CFAP54: variants seen among roughly 807,000 people sequenced by gnomAD.
CFAP54 encodes the protein cilia- and flagella-associated protein 54.
In CFAP54, 290 loss-of-function variants were observed where a neutral mutation model predicts 370.4. The observed-to-expected ratio is 0.78, with a 90% CI of 0.71 to 0.86. The LOEUF (loss-of-function observed/expected upper bound fraction) is 0.86, where lower values mean the gene tolerates loss of function less well. CFAP54 is among the 40% of genes least tolerant of loss of function. The pLI, the probability that CFAP54 is intolerant of heterozygous loss-of-function variation, is 0.00. For synonymous variants in CFAP54, 1,206 were observed against 1,236.5 expected, an observed-to-expected ratio of 0.98 and a Z score of 0.52; for missense variants, 3,399 against 3,528.7, an observed-to-expected ratio of 0.96 and a Z score of 0.93.
intron 60 of CFAP54, among the ~76,000 whole-genome samples, chr12:96,769,420 G>T (rs1274407344): frequency 6.6e-6 from 1 of 152,188 alleles, no homozygotes; most frequent in Non-Finnish European, 1.5e-5. Context: ...GAGGTCGGAG[G>T]GGTGTGGGTG....
intron 20 of CFAP54, 67 bp from the exon 21 acceptor site, chr12:96,580,530 A>T (rs1439667294): frequency 1.2e-6 from 1 of 816,436 alleles, no homozygotes; most frequent in Non-Finnish European, 1.8e-6. Context: ...TATTTAGAAA[A>T]GTATTTTTTT....
chr12:96,593,117 A>G (rs1956143377), intron 24 of CFAP54, among the ~76,000 whole-genome samples: 2 of 152,146 alleles, frequency 1.3e-5, no homozygotes, highest in South Asian at 4.1e-4. Context: ...TCAATCTGTC[A>G]CATTTGTTTC....
chr12:96,540,673 T>C (rs1955560241), intron 13 of CFAP54, among the ~76,000 whole-genome samples, 164 bp from the exon 14 acceptor site: 1 of 152,250 alleles, frequency 6.6e-6, no homozygotes, highest in Non-Finnish European at 1.5e-5. Context: ...TATTGAGTTT[T>C]ATGTTATTTA....
chr12:96,527,381 G>A lies in CFAP54; in HGVS notation c.1294G>A (p.Asp432Asn). ...RILQTGPIVT[D>N]EVEIHDVVSE... is the part of the protein sequence containing the mutation. ...ACTGCAAACTGGACCCATTGTTACAGATGAAGTGGAGATTCATGATGTTGT... is the reference window on the plus strand; with the variant it reads ...ACTGCAAACTGGACCCATTGTTACAAATGAAGTGGAGATTCATGATGTTGT... The change falls in exon 9 of 68, where the codon GAT becomes AAT. Residue 432 changes from aspartate to asparagine, a missense_variant. Transcript: ENST00000524981. The A allele has an allele frequency of 6.5e-7, 1 of 1,534,754 alleles. No homozygotes were observed. Among genetic ancestry groups the A allele is most frequent in the Non-Finnish European group, 8.7e-7 (1 of 1,146,158 alleles).
chr12:96,499,990 A>AAAAAC (rs1179355060), intron 1 of CFAP54, among the ~76,000 whole-genome samples: 7 of 151,792 alleles, frequency 4.6e-5, no homozygotes, highest in African/African-American at 1.7e-4. Context: ...AACAAAAAAA[A>AAAAAC]CCGTGCGCAT....
chr12:96,683,384 G>T (rs73379212), intron 40 of CFAP54, among the ~76,000 whole-genome samples: 1 of 152,150 alleles, frequency 6.6e-6, no homozygotes, highest in Non-Finnish European at 1.5e-5. Flanking sequence ...TTCTAAAATG[G>T]CAAATTAATC....
intron 36 of CFAP54, among the ~76,000 whole-genome samples, chr12:96,652,221 ACAGC>A (rs1956867796): frequency 6.6e-6 from 1 of 152,196 alleles, no homozygotes; most frequent in African/African-American, 2.4e-5. Flanking sequence ...GCTAGAATTT[ACAGC>A]CATTTAAAAT....
chr12:96,502,395 CT>C (rs1955039741), intron 2 of CFAP54, among the ~76,000 whole-genome samples: 1 of 39,020 alleles, frequency 2.6e-5, no homozygotes. Context: ...AACACTGTCC[CT>C]AAAAAAAAAA....
intron 19 of CFAP54, among the ~76,000 whole-genome samples, chr12:96,565,558 A>G (rs949049011): frequency 6.6e-6 from 1 of 152,196 alleles, no homozygotes; most frequent in African/African-American, 2.4e-5. Context: ...AAGGGGTTTA[A>G]TGAGAAAATT....
intron 22 of CFAP54, among the ~76,000 whole-genome samples, chr12:96,582,294 T>C (rs2111145): frequency 0.99 from 150,594 of 152,288 alleles, 74,461 homozygotes; most frequent in East Asian, 1. Flanking sequence ...AAACATGTCA[T>C]CAGTGAAGAG....
Position 96,493,671 on chromosome 12 carries a change from G to A in CFAP54, c.317+3745G>A, listed in dbSNP as rs184681444. ...AAATTAGTCGGGCGTGGTGGTGGGC[G>A]CCTGTAATCCCAGCTACTCGGCAGG... On this transcript the variant is annotated intron_variant, in intron 1 of 67. Transcript: ENST00000524981. Among the ~76,000 whole-genome samples, 100 of 152,194 alleles carry A rather than the reference G, an allele frequency of 6.6e-4. No homozygotes were observed. The East Asian group carries it at 0.015, about 23-fold the overall frequency.
rs1421143765 is a variant in CFAP54, at chr12:96,638,231, GTGTGTGTGTGTATATA to G, written c.4317-5945_4317-5930del. Among the ~76,000 whole-genome samples the G allele has an allele frequency of 7.6e-3, 715 of 93,988 alleles. 9 individuals are homozygous for G. The highest frequency in any genetic ancestry group is 0.024 in the African/African-American group (671 of 27,570). The allele number at this position is 93,988 out of a possible 152,430, so 61.7% of individuals were successfully genotyped here. The stretch of plus-strand genomic sequence containing the variant: ...TGTGTGTGTGTGTGTGTGTGTGTGT[GTGTGTGTGTGTATATA>G]TATATATATTTATTTTTTTTTGGTT... On this transcript the variant is annotated intron_variant, in intron 32 of 67. Transcript: ENST00000524981.
chr12:96,844,265 G>T (rs1959272068), intron 66 of CFAP54, among the ~76,000 whole-genome samples: 1 of 151,990 alleles, frequency 6.6e-6, no homozygotes. Context: ...GTCATCACAA[G>T]TATCCTTATG....
At chr12:96,658,653 TCTCA>T (rs1956953399) in intron 38 of CFAP54, among the ~76,000 whole-genome samples, 1 of 152,048 alleles carries the variant, frequency 6.6e-6, no homozygotes, top group Non-Finnish European at 1.5e-5. Flanking sequence ...TTAGATGAAG[TCTCA>T]CTCTGTCACC....
chr12:96,778,969 G>T (rs796665650), intron 60 of CFAP54, among the ~76,000 whole-genome samples: 11 of 151,980 alleles, frequency 7.2e-5, no homozygotes, highest in African/African-American at 2.7e-4. Flanking sequence ...TTAGCCAGGC[G>T]TGGGGGCAGG....
At chr12:96,671,024 G>T (rs1957139347) in intron 39 of CFAP54, among the ~76,000 whole-genome samples, 1 of 152,176 alleles carries the variant, frequency 6.6e-6, no homozygotes, top group Admixed American at 6.5e-5. Flanking sequence ...CCAGGCTGGA[G>T]TGTAGTAGTG....
intron 66 of CFAP54, among the ~76,000 whole-genome samples, chr12:96,836,939 T>C (rs1959187981): frequency 6.6e-6 from 1 of 152,190 alleles, no homozygotes; most frequent in Admixed American, 6.5e-5. Flanking sequence ...GCAATTCTCC[T>C]GCCTCAGTCT....
At chr12:96,515,912 G>GTTTTTT (rs71437221) in intron 5 of CFAP54, among the ~76,000 whole-genome samples, 78 of 108,198 alleles carry the variant, frequency 7.2e-4, no homozygotes, top group Non-Finnish European at 8.8e-4. Flanking sequence ...TTACCTCTAT[G>GTTTTTT]TTTTTTTTTT....
intron 19 of CFAP54, among the ~76,000 whole-genome samples, chr12:96,566,214 C>T (rs528515865): frequency 6.6e-6 from 1 of 152,250 alleles, no homozygotes; most frequent in Admixed American, 6.5e-5. Flanking sequence ...TTACCTCTGT[C>T]GGATGCAGTG....
Sources: gnomAD v4.1 joint callset for allele counts (sites outside exome capture counted in the v4.1 genomes callset) on GRCh38, gnomAD v4.1.1 for gene constraint, MANE v1.5 for transcripts, NCBI Gene and HGNC (gene_info 2026-07-23, HGNC 2026-07-21) for gene names.